Variants in PI4KA observed in about 807,000 individuals in gnomAD.
PI4KA encodes the protein PI4-kinase alpha.
A neutral mutation model predicts 271.4 loss-of-function variants in PI4KA; 122 were observed. The observed-to-expected ratio is 0.45, with a 90% CI of 0.39 to 0.52. The LOEUF (loss-of-function observed/expected upper bound fraction) is 0.52, where lower values mean the gene tolerates loss of function less well. PI4KA is among the 20% of genes least tolerant of loss of function. The pLI is 0.00. For missense variants in PI4KA, 1,969 were observed against 2,769.1 expected, an observed-to-expected ratio of 0.71 and a Z score of 6.48; for synonymous variants, 1,041 against 1,078.8, an observed-to-expected ratio of 0.96 and a Z score of 0.69.
At chr22:20,798,768 T>C (rs1371440772) in intron 16 of PI4KA, 81 bp from the exon 17 acceptor site, 1 of 937,504 alleles carries the variant, frequency 1.1e-6, no homozygotes, top group East Asian at 2.4e-5. Context: ...GAGAAAGCTC[T>C]GGAATCCTGG....
At chr22:20,786,235 C>A (rs139765184) in intron 19 of PI4KA, 2 of 1,425,304 alleles carry the variant, frequency 1.4e-6, no homozygotes, top group South Asian at 1.1e-5. Context: ...TACCCACCCC[C>A]CAATCTCATG....
At chr22:20,800,136 T>A (rs887003176) in intron 14 of PI4KA, among the ~76,000 whole-genome samples, 3 of 152,158 alleles carry the variant, frequency 2.0e-5, no homozygotes, top group Non-Finnish European at 4.4e-5. Flanking sequence ...AAGGTTTTCA[T>A]GGTAAGGAGA....
intron 1 of PI4KA, among the ~76,000 whole-genome samples, chr22:20,850,738 A>T (rs1440405692): frequency 6.6e-6 from 1 of 151,966 alleles, no homozygotes; most frequent in Non-Finnish European, 1.5e-5. Flanking sequence ...CGCCCGGCCT[A>T]CTAAAATTTT....
intron 1 of PI4KA, among the ~76,000 whole-genome samples, chr22:20,848,751 A>G (rs574398978): frequency 6.6e-6 from 1 of 152,290 alleles, no homozygotes; most frequent in Admixed American, 6.5e-5. Flanking sequence ...ACACAGGTGT[A>G]AGTCTTTGTG....
Position 20,820,546 on chromosome 22 carries a change from T to C in PI4KA, c.522A>G (p.Gln174=), listed in dbSNP as rs769132069. 5 of 1,605,750 alleles carry C rather than the reference T, an allele frequency of 3.1e-6. No individual in the cohort carries two copies. The South Asian group carries it at 5.5e-5, about 18-fold the overall frequency. The part of the protein sequence containing the change: ...LLGMCQALEI[Q]DKEYLCKYAI... ...CCTTAAGGATACTCGTACCTTTGTC[T>C]TGAATCTCCAAGGCCTGGCACATCC... Residue 174 remains glutamine, a synonymous_variant, in exon 5 of 55, where the codon CAA becomes CAG. Coordinates refer to ENST00000255882, the MANE Select transcript of PI4KA (RefSeq NM_058004.4).
intron 3 of PI4KA, among the ~76,000 whole-genome samples, chr22:20,829,582 C>CTTT (rs34438790): frequency 2.1e-5 from 3 of 146,334 alleles, no homozygotes; most frequent in Non-Finnish European, 3.0e-5. Context: ...AGCTAGTGAT[C>CTTT]TTTTTTTTTT....
chr22:20,780,723 C>T, intron 19 of PI4KA, among the ~76,000 whole-genome samples: 1 of 145,578 alleles, frequency 6.9e-6, no homozygotes, highest in East Asian at 2.0e-4. Context: ...TTGCAGTGAG[C>T]CGAGACTGTG....
At chr22:20,748,788 C>CACTG (rs568089255) in intron 28 of PI4KA, among the ~76,000 whole-genome samples, 36 of 152,136 alleles carry the variant, frequency 2.4e-4, no homozygotes, top group Non-Finnish European at 3.7e-4. Context: ...AAGGGAAGTA[C>CACTG]ACTGACCAGA....
chr22:20,717,532 T>C (rs1926156909), intron 45 of PI4KA, among the ~76,000 whole-genome samples, 176 bp downstream of exon 45: 1 of 152,234 alleles, frequency 6.6e-6, no homozygotes, highest in Non-Finnish European at 1.5e-5. Context: ...TAGCGGCAGA[T>C]TCTGGGGAGG....
rs192613727 is a variant in PI4KA at position 20,809,051 on chromosome 22, G to A, written c.1072-1593C>T. Among the ~76,000 whole-genome samples the A allele has an allele frequency of 5.3e-5, 8 of 152,298 alleles. No homozygotes were observed. In the East Asian group the frequency reaches 1.5e-3, roughly 29 times the overall value. On this transcript the variant is annotated intron_variant, in intron 9 of 54. Coordinates refer to ENST00000255882, the MANE Select transcript of PI4KA (RefSeq NM_058004.4). ...CTGACAGGAAGAGCTGTGGTTGACA[G>A]CACTGCAATGATGGCTTTACAGACA...
Position 20,733,049 on chromosome 22 carries a change from T to C in PI4KA, c.4210A>G (p.Ile1404Val), listed in dbSNP as rs1928261361. ...GTCCAAAATTTAATCATGATGCTTATGTCTTCACGCAGCCGCTTCTCTCCT... is the reference window on the plus strand; with the variant it reads ...GTCCAAAATTTAATCATGATGCTTACGTCTTCACGCAGCCGCTTCTCTCCT... Reference protein sequence around the residue: ...TQGEKRLREDISIMIKFWTAM... With the variant: ...TQGEKRLREDVSIMIKFWTAM... The change falls in exon 36 of 55, where the codon ATA (isoleucine) becomes GTA (valine). Residue 1404 changes from isoleucine to valine, a missense_variant. By Grantham distance (29) the Ile-to-Val change is conservative (BLOSUM62 3). Around this residue, in one of 13 missense-constraint regions of PI4KA, gnomAD observed 72 missense variants for 103.1 expected, o/e 0.70. Transcript: ENST00000255882. 1.2e-6 allele frequency: 2 copies of C among 1,611,826 alleles called. No homozygotes were observed. Among genetic ancestry groups the C allele is most frequent in the Admixed American group, 1.7e-5 (1 of 60,012 alleles).
At chr22:20,718,465 G>A (rs1336911727) in intron 44 of PI4KA, among the ~76,000 whole-genome samples, 3 of 152,170 alleles carry the variant, frequency 2.0e-5, no homozygotes. Flanking sequence ...TGAAACTGGC[G>A]TGGCCGTGCA....
Position 20,709,687 on chromosome 22 carries a change from A to AAT in PI4KA, c.6173+220_6173+221insAT, listed in dbSNP as rs373609759. Among the ~76,000 whole-genome samples, 32,979 of 95,292 alleles carry AAT rather than the reference A, an allele frequency of 0.35. 3,644 individuals carry two copies. Among genetic ancestry groups the AAT allele is most frequent in the Non-Finnish European group, 0.39 (18,309 of 46,548 alleles). 62.5% of individuals were successfully genotyped at this position (95,292 alleles called of 152,430 possible). A position where few individuals can be genotyped will look rare whatever the true frequency, so the allele number is the denominator to read the frequency against. On this transcript the variant is annotated intron_variant, in intron 53 of 54. Coordinates refer to ENST00000255882, the MANE Select transcript of PI4KA (RefSeq NM_058004.4). The stretch of plus-strand genomic sequence containing the variant: ...GGTTGGGCGTAGCATCCTTGACATA[A>AAT]AGAGGCCCCTGGGTGGGTCTCTGGT...
intron 32 of PI4KA, among the ~76,000 whole-genome samples, chr22:20,740,015 T>C (rs926057322): frequency 2.2e-5 from 3 of 138,378 alleles, no homozygotes; most frequent in Admixed American, 1.6e-4. Context: ...TGAGCCAAGA[T>C]TGTGCCACTG....
At chr22:20,763,541 G>GC (rs772875573) in intron 22 of PI4KA, among the ~76,000 whole-genome samples, 1 of 151,548 alleles carries the variant, frequency 6.6e-6, no homozygotes, top group Admixed American at 6.6e-5. Context: ...CTGGGTTCAT[G>GC]CCATTCTCCT....
chr22:20,825,899 G>A (rs975457416), intron 3 of PI4KA, among the ~76,000 whole-genome samples: 12 of 152,156 alleles, frequency 7.9e-5, no homozygotes, highest in African/African-American at 2.9e-4. Flanking sequence ...CCACTCTTAA[G>A]TAGGCCCCAG....
rs117386319 is a variant in PI4KA, at chr22:20,798,457, G to A, written c.2108+127C>T. 741 of 723,572 alleles carry A rather than the reference G, an allele frequency of 1.0e-3. 11 individuals are homozygous for A. The East Asian group carries it at 0.018, about 17-fold the overall frequency. 44.8% of individuals were successfully genotyped at this position (723,572 alleles called of 1,614,324 possible). ...GGTTTTCACTTCCCCCCTTATGTGTGCACTGATCTGTAGCATATAGTTTTC... is the reference window on the plus strand; with the variant it reads ...GGTTTTCACTTCCCCCCTTATGTGTACACTGATCTGTAGCATATAGTTTTC... On this transcript the variant is annotated intron_variant, in intron 17 of 54. Transcript: ENST00000255882.
intron 8 of PI4KA, 37 bp from the exon 9 acceptor site, chr22:20,811,069 TAC>T: frequency 6.7e-7 from 1 of 1,486,826 alleles, no homozygotes; most frequent in Non-Finnish European, 9.4e-7. Context: ...GCAACTGACA[TAC>T]ACAGAGACAG....
chr22:20,735,827 G>A lies in PI4KA; in HGVS notation c.3742-1274C>T, dbSNP rs1203630811. On this transcript the variant is annotated intron_variant, in intron 32 of 54. Coordinates refer to ENST00000255882, the MANE Select transcript of PI4KA (RefSeq NM_058004.4). ...CACTAGAGCCTGCTTTCTGTTTCCTGCAGACCGATTAGTCTTATGGAAGCA... is the reference window on the plus strand; with the variant it reads ...CACTAGAGCCTGCTTTCTGTTTCCTACAGACCGATTAGTCTTATGGAAGCA... 2.6e-5 allele frequency among the ~76,000 whole-genome samples: 4 copies of A among 152,212 alleles called. No individual in the cohort carries two copies. In the East Asian group the frequency reaches 7.7e-4, roughly 29 times the overall value.
Sources: gnomAD v4.1 joint callset for allele counts (sites outside exome capture counted in the v4.1 genomes callset) on GRCh38, gnomAD v4.1.1 for gene constraint, gnomAD v4.1.1 regional missense constraint, MANE v1.5 for transcripts, NCBI Gene and HGNC (gene_info 2026-07-23, HGNC 2026-07-21) for gene names.